Variants in RIPOR2 observed in about 807,000 individuals in gnomAD.
RIPOR2 encodes the protein RHO family interacting cell polarization regulator 2, also known as rho family-interacting cell polarization regulator 2.
RIPOR2 carries 39 observed loss-of-function variants against 114.5 expected under a neutral mutation model. That is an observed-to-expected ratio of 0.34 (90% CI 0.26 to 0.44). The LOEUF (loss-of-function observed/expected upper bound fraction) is 0.44. Ranked by LOEUF, RIPOR2 falls within the 20% of genes least tolerant of loss-of-function variation. RIPOR2 has a pLI of 1.00. For synonymous variants in RIPOR2, 445 were observed against 484.4 expected, an observed-to-expected ratio of 0.92 and a Z score of 1.07; for missense variants, 1,007 against 1,255.1, an observed-to-expected ratio of 0.80 and a Z score of 2.99.
At chr6:24,917,829 G>A (rs772128917) in intron 1 of RIPOR2, among the ~76,000 whole-genome samples, 2 of 152,156 alleles carry the variant, frequency 1.3e-5, no homozygotes, top group Non-Finnish European at 2.9e-5. Flanking sequence ...ACGCCCAGCT[G>A]TAGTAGGCTT....
intron 1 of RIPOR2, among the ~76,000 whole-genome samples, chr6:24,958,487 G>A (rs748958419): frequency 6.6e-6 from 1 of 152,128 alleles, no homozygotes; most frequent in South Asian, 2.1e-4. Flanking sequence ...ACTTCCCAGC[G>A]CATTAACTCC....
At chr6:24,839,665 A>C in intron 13 of RIPOR2, 2 of 1,534,384 alleles carry the variant, frequency 1.3e-6, no homozygotes, top group Middle Eastern at 1.8e-4. Context: ...AAACCATGTC[A>C]ACCACAAAGC....
At chr6:25,000,498 G>A (rs1045704255) in intron 1 of RIPOR2, among the ~76,000 whole-genome samples, 1 of 152,122 alleles carries the variant, frequency 6.6e-6, no homozygotes, top group African/African-American at 2.4e-5. Context: ...ATGAATATCT[G>A]GCTTGAGGGG....
At chr6:24,846,091 C>G (rs538975504) in intron 12 of RIPOR2, among the ~76,000 whole-genome samples, 1 of 152,126 alleles carries the variant, frequency 6.6e-6, no homozygotes, top group East Asian at 1.9e-4. Flanking sequence ...TAAATTATGA[C>G]GTGAAACCTC....
At chr6:24,822,500 GTATT>G (rs1039081756) in intron 19 of RIPOR2, among the ~76,000 whole-genome samples, 2 of 151,858 alleles carry the variant, frequency 1.3e-5, no homozygotes, top group Non-Finnish European at 2.9e-5. Flanking sequence ...CTCACTTTAC[GTATT>G]TATTTATTTT....
Position 25,040,201 on chromosome 6 carries a change from C to T in RIPOR2, c.76+1650G>A, listed in dbSNP as rs535499249. On this transcript the variant is annotated intron_variant, in intron 1 of 13. Coordinates refer to the RIPOR2 transcript ENST00000510784. ...CACAATCTCCGCTCACTGCAATCTC[C>T]GCCTCTTGGGTTCAAGCGATTCTCC... is the stretch of plus-strand genomic sequence containing the variant. Among the ~76,000 whole-genome samples, 44 of 152,090 alleles carry T rather than the reference C, an allele frequency of 2.9e-4. 1 individual carries two copies. The highest frequency in any genetic ancestry group is 2.3e-3 in the Admixed American group (35 of 15,272).
chr6:24,974,204 T>G (rs139883329), intron 1 of RIPOR2, among the ~76,000 whole-genome samples: 1 of 152,026 alleles, frequency 6.6e-6, no homozygotes, highest in Non-Finnish European at 1.5e-5. Flanking sequence ...GGTAACATAG[T>G]GAGACCTCCT....
chr6:24,919,826 T>A (rs1770343036), intron 1 of RIPOR2, among the ~76,000 whole-genome samples: 1 of 152,182 alleles, frequency 6.6e-6, no homozygotes, highest in South Asian at 2.1e-4. Flanking sequence ...ATATCCTAAT[T>A]CACACACGTT....
intron 1 of RIPOR2, among the ~76,000 whole-genome samples, chr6:24,884,495 C>T (rs926392319): frequency 1.3e-5 from 2 of 152,158 alleles, no homozygotes; most frequent in South Asian, 2.1e-4. Flanking sequence ...TGTTTGCTAA[C>T]CCAGTGATGA....
intron 9 of RIPOR2, 40 bp from the exon 10 acceptor site, chr6:24,850,762 C>A (rs550043686): frequency 1.2e-6 from 2 of 1,610,382 alleles, no homozygotes; most frequent in East Asian, 2.2e-5. Context: ...GTCTTGCCAC[C>A]CCCTCTTCTC....
intron 1 of RIPOR2, among the ~76,000 whole-genome samples, chr6:25,034,785 G>C (rs1777163680): frequency 6.6e-6 from 1 of 152,014 alleles, no homozygotes; most frequent in Admixed American, 6.5e-5. Flanking sequence ...TCCTCGGCTG[G>C]AGACAGCTAA....
At chr6:24,822,605 G>A (rs1211753974) in intron 19 of RIPOR2, among the ~76,000 whole-genome samples, 1 of 152,014 alleles carries the variant, frequency 6.6e-6, no homozygotes, top group Non-Finnish European at 1.5e-5. Flanking sequence ...TGCAACCTTC[G>A]CCTCCTGAGT....
chr6:24,890,462 C>G (rs1486210062), intron 1 of RIPOR2, among the ~76,000 whole-genome samples: 1 of 151,986 alleles, frequency 6.6e-6, no homozygotes, highest in Admixed American at 6.6e-5. Flanking sequence ...TACAAATGGA[C>G]ATAGAGTATG....
chr6:24,977,573 A>G (rs1774123201), intron 1 of RIPOR2, among the ~76,000 whole-genome samples: 1 of 152,204 alleles, frequency 6.6e-6, no homozygotes, highest in Non-Finnish European at 1.5e-5. Context: ...TTGTTCAAAT[A>G]TAAGAAAACT....
intron 1 of RIPOR2, among the ~76,000 whole-genome samples, chr6:24,902,868 C>A (rs1768612349): frequency 6.6e-6 from 1 of 152,166 alleles, no homozygotes; most frequent in African/African-American, 2.4e-5. Context: ...ATGTTATTTA[C>A]CTCACAGGGA....
At chr6:24,937,138 C>A (rs1344928129), upstream of RIPOR2, among the ~76,000 whole-genome samples, 1 of 152,172 alleles carries the variant, frequency 6.6e-6, no homozygotes, top group Non-Finnish European at 1.5e-5. Flanking sequence ...TCAGTTCATC[C>A]CTGCATTGGT....
chr6:24,927,600 C>T (rs999720313), intron 1 of RIPOR2, among the ~76,000 whole-genome samples: 1 of 151,652 alleles, frequency 6.6e-6, no homozygotes, highest in African/African-American at 2.4e-5. Flanking sequence ...TCTATAATCG[C>T]TACCACCACT....
intron 1 of RIPOR2, among the ~76,000 whole-genome samples, chr6:24,944,536 C>G (rs558389155): frequency 6.6e-6 from 1 of 152,068 alleles, no homozygotes; most frequent in African/African-American, 2.4e-5. Context: ...TTTAAACATC[C>G]CGTTTTCAGC....
At chr6:24,841,941 T>C (rs1761761026) in intron 13 of RIPOR2, among the ~76,000 whole-genome samples, 1 of 152,142 alleles carries the variant, frequency 6.6e-6, no homozygotes, top group African/African-American at 2.4e-5. Context: ...TAGAAAGGGA[T>C]GCAACAGCTT....
Sources: allele counts gnomAD v4.1 joint callset (sites outside exome capture counted in the v4.1 genomes callset), GRCh38; gene constraint gnomAD v4.1.1; transcripts MANE v1.5; gene names NCBI Gene and HGNC (gene_info 2026-07-23, HGNC 2026-07-21).